The following TGFBI variants were observed in gnomAD, a reference collection of about 807,000 sequenced individuals.
TGFBI encodes the protein transforming growth factor-beta-induced protein ig-h3.
TGFBI carries 50 observed loss-of-function variants against 73.7 expected under a neutral mutation model. That is an observed-to-expected ratio of 0.68 (90% CI 0.54 to 0.86). TGFBI has a LOEUF of 0.86. Among genes scored for constraint, TGFBI ranks in the 40% least tolerant of loss-of-function variants. TGFBI has a pLI of 0.00. For missense variants in TGFBI, 839 were observed against 877.0 expected (o/e 0.96, Z 0.55); for synonymous variants, 362 against 360.5 (o/e 1.00, Z -0.05).
intron 1 of TGFBI, among the ~76,000 whole-genome samples, chr5:136,032,654 G>A (rs924821811): frequency 6.6e-6 from 1 of 152,144 alleles, no homozygotes; most frequent in Admixed American, 6.5e-5. Context: ...CCTCAGTATT[G>A]TTTGTTTTAT....
At chr5:136,037,459 G>A (rs1405760375) in intron 2 of TGFBI, among the ~76,000 whole-genome samples, 1 of 152,126 alleles carries the variant, frequency 6.6e-6, no homozygotes, top group East Asian at 1.9e-4. Flanking sequence ...CCTCTCGACA[G>A]GCTTCCTTTG....
At chr5:136,056,933 A>G (rs1257945070) in intron 12 of TGFBI, 138 bp downstream of exon 12, 4 of 1,168,712 alleles carry the variant, frequency 3.4e-6, no homozygotes, top group East Asian at 5.2e-5. Flanking sequence ...AGTGGGCGGG[A>G]CTAAAGGAAC....
intron 7 of TGFBI, 57 bp downstream of exon 7, chr5:136,049,637 G>A: frequency 6.4e-7 from 1 of 1,565,164 alleles, no homozygotes; most frequent in Non-Finnish European, 8.7e-7. Flanking sequence ...TTGAGCCCAA[G>A]ACCTGCTCTG....
In TGFBI at chr5:136,029,116, A is replaced by G; in HGVS notation, c.61A>G (p.Thr21Ala). The G allele has an allele frequency of 6.6e-7, 1 of 1,525,042 alleles. No individual in the cohort carries two copies. The highest frequency in any genetic ancestry group is 8.7e-7 in the Non-Finnish European group (1 of 1,143,106). The allele number at this position is 1,525,042 out of a possible 1,614,324, so 94.5% of individuals were successfully genotyped here. Reference sequence around the variant, plus strand: ...GGCTCTGGCCCTGGGCCCCGCCGCGACCCTGGCGGGTCCCGCCAAGTCGCC... The same window carrying G: ...GGCTCTGGCCCTGGGCCCCGCCGCGGCCCTGGCGGGTCCCGCCAAGTCGCC... ...ALALALGPAA[T>A]LAGPAKSPYQ... Residue 21 changes from threonine to alanine, a missense_variant, in exon 1 of 17, where the codon ACC becomes GCC. Thr to Ala is a moderately conservative substitution (Grantham distance 58, BLOSUM62 0). Transcript: ENST00000442011.
rs1324647486 is a variant in TGFBI at position 136,055,831 on chromosome 5, C to T, written c.1547+15C>T. On this transcript the variant is annotated intron_variant, in intron 11 of 16. Coordinates refer to ENST00000442011, the MANE Select transcript of TGFBI (RefSeq NM_000358.3). ...AATCGCTTTAGGTAATTAGTTCCAT[C>T]CCCGGGTGGAGCTTCTGCCCAGTGG... is the stretch of plus-strand genomic sequence containing the variant. The T allele has an allele frequency of 1.3e-6, 2 of 1,590,318 alleles. No individual in the cohort carries two copies. The highest frequency in any genetic ancestry group is 1.3e-5 in the African/African-American group (1 of 74,598).
intron 2 of TGFBI, among the ~76,000 whole-genome samples, chr5:136,040,652 G>A (rs1186405266): frequency 6.6e-6 from 1 of 152,214 alleles, no homozygotes; most frequent in Non-Finnish European, 1.5e-5. Flanking sequence ...CTGACCTGAG[G>A]TTTTTCTTTA....
At chr5:136,048,383 C>A (rs1355589581) in intron 6 of TGFBI, 1 of 152,272 alleles carries the variant, frequency 6.6e-6, no homozygotes, top group Non-Finnish European at 1.5e-5. Context: ...TCTGACCCTC[C>A]ATTTTGCCGA....
At chr5:136,039,070 A>C (rs1003079027) in intron 2 of TGFBI, among the ~76,000 whole-genome samples, 1 of 152,198 alleles carries the variant, frequency 6.6e-6, no homozygotes, top group Non-Finnish European at 1.5e-5. Context: ...TACTTTTATC[A>C]ATGGTCTCAT....
Position 136,047,280 on chromosome 5 carries a change from A to T in TGFBI, c.631A>T (p.Thr211Ser). The change falls in exon 6 of 17, where the codon ACT becomes TCT. Residue 211 changes from threonine (T) to serine (S), a missense_variant. Coordinates refer to ENST00000442011, the MANE Select transcript of TGFBI (RefSeq NM_000358.3). ...TTGCTGCTTCTCTGGGCAGATTGTA[A>T]CTGTGAACTGTGCCCGGCTGCTGAA... ...QIHHYPNGIV[T>S]VNCARLLKAD... is the part of the protein sequence containing the mutation. 1 of 1,613,720 alleles carries T rather than the reference A, an allele frequency of 6.2e-7. No homozygotes were observed.
At chr5:136,049,661 A>G (rs1751498705) in intron 7 of TGFBI, 81 bp downstream of exon 7, 1 of 1,500,738 alleles carries the variant, frequency 6.7e-7, no homozygotes. Flanking sequence ...CAAGATGAAC[A>G]TACCACCTGC....
At position 136,046,486 on chromosome 5, in the gene TGFBI, C is replaced by A; in HGVS notation, c.450C>A (p.Ser150=). 1 of 1,606,808 alleles carries A rather than the reference C, an allele frequency of 6.2e-7. No individual in the cohort carries two copies. The highest frequency in any genetic ancestry group is 1.3e-5 in the African/African-American group (1 of 74,906). The change falls in exon 4 of 17, where the codon TCC becomes TCA. Residue 150 remains serine (S), a synonymous_variant. Transcript: ENST00000442011. The part of the protein sequence containing the change: ...IFAPSNEAWA[S]LPAEVLDSLV... ...CCCCTAGCAACGAGGCCTGGGCCTC[C>A]TTGCCAGCTGTGAGATGACCTCCGT...
chr5:136,057,550 G>A (rs1239138410), intron 12 of TGFBI, among the ~76,000 whole-genome samples: 1 of 152,098 alleles, frequency 6.6e-6, no homozygotes, highest in Non-Finnish European at 1.5e-5. Flanking sequence ...AGCCTGGTCA[G>A]TAATAGCCAT....
rs752462455 is a variant in TGFBI at position 136,052,870 on chromosome 5, T to G, written c.914-37T>G. 8 of 1,598,404 alleles carry G rather than the reference T, an allele frequency of 5.0e-6. No individual in the cohort carries two copies. The African/African-American group carries it at 5.4e-5, about 11-fold the overall frequency. The stretch of plus-strand genomic sequence containing the variant: ...AGTGGTCCCTGAGGTTATCGTGGAG[T>G]GGACCCTGACTTGACCTGAGTCTGT... On this transcript the variant is annotated intron_variant, in intron 7 of 16. Coordinates refer to ENST00000442011, the MANE Select transcript of TGFBI (RefSeq NM_000358.3).
chr5:136,029,669 C>T (rs774551429), intron 1 of TGFBI, among the ~76,000 whole-genome samples: 95 of 152,198 alleles, frequency 6.2e-4, no homozygotes, highest in Non-Finnish European at 9.0e-4. Flanking sequence ...CCCCAGGCTC[C>T]TGTGCTCCTG....
At chr5:136,054,252 C>A (rs1751586922) in intron 9 of TGFBI, among the ~76,000 whole-genome samples, 172 bp downstream of exon 9, 1 of 152,222 alleles carries the variant, frequency 6.6e-6, no homozygotes, top group South Asian at 2.1e-4. Flanking sequence ...TCTGTTGTTT[C>A]ATTAGGCAGT....
intron 7 of TGFBI, 94 bp from the exon 8 acceptor site, chr5:136,052,813 G>A (rs1378132460): frequency 4.0e-6 from 5 of 1,254,984 alleles, no homozygotes; most frequent in African/African-American, 3.0e-5. Flanking sequence ...TCATCTGAGA[G>A]AACAGGATCC....
At position 136,047,277 on chromosome 5, in the gene TGFBI, G is replaced by A. The variant is rs779138447; in HGVS notation, c.628G>A (p.Val210Ile). The change falls in exon 6 of 17, where the codon GTA (valine) becomes ATA (isoleucine). Residue 210 changes from valine (V) to isoleucine (I), a missense_variant. Coordinates refer to ENST00000442011, the MANE Select transcript of TGFBI (RefSeq NM_000358.3). ...TCCTTGCTGCTTCTCTGGGCAGATT[G>A]TAACTGTGAACTGTGCCCGGCTGCT... ...IQIHHYPNGI[V>I]TVNCARLLKA... is the part of the protein sequence containing the mutation. 5.6e-6 allele frequency: 9 copies of A among 1,613,646 alleles called. No individual in the cohort carries two copies. The highest frequency in any genetic ancestry group is 7.6e-6 in the Non-Finnish European group (9 of 1,179,840).
At chr5:136,033,679 C>T in intron 1 of TGFBI, 84 bp from the exon 2 acceptor site, 3 of 1,115,742 alleles carry the variant, frequency 2.7e-6, no homozygotes, top group Non-Finnish European at 1.3e-6. Flanking sequence ...GTTCCAGTGA[C>T]CCAAGGAGGC....
At position 136,056,773 on chromosome 5, in the gene TGFBI, A is replaced by G. The variant is rs991002137; in HGVS notation, c.1656A>G (p.Pro552=). The change falls in exon 12 of 17, where the codon CCA becomes CCG. Residue 552 remains proline, a synonymous_variant. Transcript: ENST00000442011. ...PTNEAFRALP[P]RERSRLLGDA... is the part of the protein sequence containing the mutation. Reference sequence around the variant, plus strand: ...ATGAAGCCTTCCGAGCCCTGCCACCAAGAGAACGGAGCAGACTCTTGGGTA... The same window carrying G: ...ATGAAGCCTTCCGAGCCCTGCCACCGAGAGAACGGAGCAGACTCTTGGGTA... 5 of 1,613,820 alleles carry G rather than the reference A, an allele frequency of 3.1e-6. No homozygotes were observed. Among genetic ancestry groups the G allele is most frequent in the Admixed American group, 1.7e-5 (1 of 59,972 alleles).
Sources: allele counts gnomAD v4.1 joint callset (sites outside exome capture counted in the v4.1 genomes callset), GRCh38; gene constraint gnomAD v4.1.1; transcripts MANE v1.5; gene names NCBI Gene and HGNC (gene_info 2026-07-23, HGNC 2026-07-21).